Variants in INPP4B observed in about 807,000 individuals in gnomAD.
The protein encoded by INPP4B is inositol polyphosphate 4-phosphatase type II.
Under a neutral mutation model 122.5 loss-of-function variants are expected in INPP4B, and 55 were observed. The ratio of observed to expected loss-of-function variants is 0.45; its 90% CI spans 0.36 to 0.56. The LOEUF is 0.56. Ranked by LOEUF, INPP4B falls within the 20% of genes least tolerant of loss-of-function variation. The pLI is 0.00. For missense variants in INPP4B, 1,000 were observed against 1,097.7 expected (o/e 0.91, Z 1.26); for synonymous variants, 403 against 388.7 (o/e 1.04, Z -0.43).
At chr4:142,147,096 T>C (rs148922395) in intron 17 of INPP4B, among the ~76,000 whole-genome samples, 3 of 152,310 alleles carry the variant, frequency 2.0e-5, no homozygotes, top group South Asian at 2.1e-4. Flanking sequence ...AATACCCAGA[T>C]AGATTTATGG....
At chr4:142,259,947 A>G (rs551529204) in intron 11 of INPP4B, among the ~76,000 whole-genome samples, 1 of 152,150 alleles carries the variant, frequency 6.6e-6, no homozygotes, top group African/African-American at 2.4e-5. Context: ...TGTAGTTGGC[A>G]TTGACCAAAT....
At chr4:142,499,490 T>G (rs1054883173) in intron 2 of INPP4B, among the ~76,000 whole-genome samples, 1 of 152,198 alleles carries the variant, frequency 6.6e-6, no homozygotes, top group Non-Finnish European at 1.5e-5. Context: ...GTATGCCTTA[T>G]TGGACAGACT....
At chr4:142,349,816 T>A (rs1781405636) in intron 7 of INPP4B, among the ~76,000 whole-genome samples, 1 of 151,714 alleles carries the variant, frequency 6.6e-6, no homozygotes, top group Non-Finnish European at 1.5e-5. Context: ...AGCTATAGTT[T>A]TTAAAATAGA....
intron 1 of INPP4B, among the ~76,000 whole-genome samples, chr4:142,809,897 C>T (rs1407628173): frequency 6.6e-6 from 1 of 151,950 alleles, no homozygotes; most frequent in African/African-American, 2.4e-5. Flanking sequence ...GGGCCAGGCA[C>T]GGTGGCTCAT....
chr4:142,435,412 A>C (rs1468891752), intron 3 of INPP4B, among the ~76,000 whole-genome samples: 2 of 148,380 alleles, frequency 1.3e-5, no homozygotes, highest in East Asian at 4.0e-4. Flanking sequence ...TTTTAATGAA[A>C]TGTTTAAAAA....
intron 7 of INPP4B, among the ~76,000 whole-genome samples, chr4:142,364,865 A>C (rs1382213608): frequency 6.6e-6 from 1 of 152,046 alleles, no homozygotes; most frequent in Non-Finnish European, 1.5e-5. Context: ...TCAACAAAGA[A>C]AATTACAACA....
intron 2 of INPP4B, among the ~76,000 whole-genome samples, chr4:142,711,514 A>G (rs1196954650): frequency 5.9e-5 from 9 of 152,082 alleles, no homozygotes; most frequent in Admixed American, 5.9e-4. Flanking sequence ...ATCATTTATT[A>G]TTATTCTTAT....
chr4:142,453,312 A>G (rs539421148), intron 3 of INPP4B, among the ~76,000 whole-genome samples: 2 of 152,306 alleles, frequency 1.3e-5, no homozygotes, highest in South Asian at 4.1e-4. Context: ...AGCTTTGATT[A>G]TATCCTGAGG....
intron 2 of INPP4B, among the ~76,000 whole-genome samples, chr4:142,624,957 A>C (rs1255616114): frequency 4.0e-5 from 6 of 151,736 alleles, no homozygotes; most frequent in African/African-American, 1.5e-4. Flanking sequence ...ACTCTCAATA[A>C]ATTAGGTATT....
chr4:142,839,851 G>A (rs535064587), intron 1 of INPP4B, among the ~76,000 whole-genome samples: 1 of 152,264 alleles, frequency 6.6e-6, no homozygotes, highest in East Asian at 1.9e-4. Context: ...TCTTAATTAT[G>A]CCAATTTGGG....
intron 2 of INPP4B, among the ~76,000 whole-genome samples, chr4:142,606,217 A>ATAGAAC (rs1458370315): frequency 6.6e-6 from 1 of 151,894 alleles, no homozygotes; most frequent in Non-Finnish European, 1.5e-5. Context: ...GACATGGAGA[A>ATAGAAC]TAGAACTAGA....
chr4:142,185,789 G>A (rs1163360305), intron 15 of INPP4B, among the ~76,000 whole-genome samples: 1 of 150,560 alleles, frequency 6.6e-6, no homozygotes, highest in Non-Finnish European at 1.5e-5. Context: ...TGAGGCAGGA[G>A]AATGGTGTGA....
intron 13 of INPP4B, among the ~76,000 whole-genome samples, 179 bp from the exon 14 acceptor site, chr4:142,208,708 TATA>T (rs1843580208): frequency 6.6e-6 from 1 of 152,142 alleles, no homozygotes; most frequent in Admixed American, 6.5e-5. Context: ...CAATTATTCA[TATA>T]ATAATTCTGT....
intron 8 of INPP4B, among the ~76,000 whole-genome samples, chr4:142,309,211 A>G (rs2151246681): frequency 6.6e-6 from 1 of 152,330 alleles, no homozygotes; most frequent in Non-Finnish European, 1.5e-5. Flanking sequence ...AAAGTATCTA[A>G]TGTGCAGCTT....
rs567488136 is a variant in INPP4B at position 142,340,141 on chromosome 4, T to C, written c.373-25379A>G. Among the ~76,000 whole-genome samples the C allele has an allele frequency of 4.6e-5, 7 of 152,308 alleles. No homozygotes were observed. The East Asian group carries it at 1.4e-3, about 29-fold the overall frequency. ...GGAGAGCAATTACTAACTGAAATTATTCACTAGAAATACATAAGGTGTCTC... is the reference window on the plus strand; with the variant it reads ...GGAGAGCAATTACTAACTGAAATTACTCACTAGAAATACATAAGGTGTCTC... On this transcript the variant is annotated intron_variant, in intron 7 of 25. Transcript: ENST00000262992.
At chr4:142,091,337 C>T (rs1019816765) in intron 23 of INPP4B, among the ~76,000 whole-genome samples, 2 of 152,094 alleles carry the variant, frequency 1.3e-5, no homozygotes, top group Non-Finnish European at 2.9e-5. Context: ...ATTGCTTAAC[C>T]CTCTGTCCCT....
At chr4:142,814,236 A>G (rs558012091) in intron 1 of INPP4B, among the ~76,000 whole-genome samples, 6 of 152,332 alleles carry the variant, frequency 3.9e-5, no homozygotes, top group African/African-American at 1.4e-4. Context: ...AATATCTTCA[A>G]GCAAAAACAA....
intron 2 of INPP4B, among the ~76,000 whole-genome samples, chr4:142,655,830 A>ACTCT (rs1297516550): frequency 6.6e-6 from 1 of 152,040 alleles, no homozygotes; most frequent in Non-Finnish European, 1.5e-5. Context: ...TTTTACTTGC[A>ACTCT]CTCTCAAAAG....
intron 2 of INPP4B, among the ~76,000 whole-genome samples, chr4:142,644,444 A>G (rs530800591): frequency 9.9e-5 from 15 of 152,186 alleles, no homozygotes; most frequent in Non-Finnish European, 2.2e-4. Context: ...TCAGGGGATA[A>G]TGGCTTCTGC....
Sources: allele counts gnomAD v4.1 joint callset (sites outside exome capture counted in the v4.1 genomes callset), GRCh38; gene constraint gnomAD v4.1.1; transcripts MANE v1.5; gene names NCBI Gene and HGNC (gene_info 2026-07-23, HGNC 2026-07-21).